RNF146: variants seen among roughly 807,000 people sequenced by gnomAD.
The protein encoded by RNF146 is E3 ubiquitin-protein ligase RNF146.
Under a neutral mutation model 29.7 loss-of-function variants are expected in RNF146, and 11 were observed. The ratio of observed to expected loss-of-function variants is 0.37; its 90% CI spans 0.23 to 0.61. The LOEUF (loss-of-function observed/expected upper bound fraction) is 0.61. RNF146 is among the 20% of genes least tolerant of loss of function. The probability of loss-of-function intolerance (pLI) is 0.66; values close to 1 mark genes in which losing one functional copy is unlikely to be tolerated. For missense variants in RNF146, 342 were observed against 438.9 expected (o/e 0.78, Z 1.97); for synonymous variants, 150 against 159.7 (o/e 0.94, Z 0.46).
At chr6:127,272,737 A>T (rs1283095250) in intron 1 of RNF146, among the ~76,000 whole-genome samples, 1 of 152,178 alleles carries the variant, frequency 6.6e-6, no homozygotes, top group Non-Finnish European at 1.5e-5. Flanking sequence ...AGTACAATTG[A>T]CCCTTGAGCA....
Position 127,287,731 on chromosome 6 carries a change from G to A in RNF146, c.*38G>A, listed in dbSNP as rs772398151. ...TCAGCTCCATGCTCAAGGTTGAAAGGGTTACCTGTAAATTTCTGCCCACAT... is the reference window on the plus strand; with the variant it reads ...TCAGCTCCATGCTCAAGGTTGAAAGAGTTACCTGTAAATTTCTGCCCACAT... On this transcript the variant is annotated 3_prime_UTR_variant, in exon 3 of 3. Transcript: ENST00000368314. 1.5e-6 allele frequency: 2 copies of A among 1,311,634 alleles called. No homozygotes were observed. The highest frequency in any genetic ancestry group is 4.6e-5 in the East Asian group (2 of 43,076). 81.2% of individuals were successfully genotyped at this position (1,311,634 alleles called of 1,614,324 possible). A position where few individuals can be genotyped will look rare whatever the true frequency, so the allele number is the denominator to read the frequency against.
Position 127,286,308 on chromosome 6 carries a change from G to A in RNF146, c.3-308G>A, listed in dbSNP as rs1418116626. The A allele has an allele frequency of 5.6e-6, 4 of 715,404 alleles. No homozygotes were observed. The highest frequency in any genetic ancestry group is 7.9e-6 in the Non-Finnish European group (4 of 503,392). 44.3% of individuals were successfully genotyped at this position (715,404 alleles called of 1,614,324 possible). On this transcript the variant is annotated intron_variant, in intron 2 of 2. Coordinates refer to ENST00000368314, the MANE Select transcript of RNF146 (RefSeq NM_001242850.2). This position sits in a 1 kb window ranked among gnomAD's most constrained non-coding sequence, Gnocchi z 4.6. ...CTGTATAATAGCTGCCATGATTCAA[G>A]GTATCCTTTTCCCCTCACTGGATGC...
chr6:127,281,686 G>A (rs999196756), intron 2 of RNF146, among the ~76,000 whole-genome samples: 1 of 151,644 alleles, frequency 6.6e-6, no homozygotes, highest in African/African-American at 2.4e-5. Context: ...AATAAGTGCA[G>A]GGAGTGAACA....
intron 2 of RNF146, chr6:127,280,764 A>AT (rs1269009066): frequency 6.3e-6 from 1 of 159,608 alleles, no homozygotes; most frequent in African/African-American, 2.4e-5. Context: ...TACATAATTG[A>AT]TTTTTTTAAT....
At chr6:127,280,061 A>C (rs547086459) in intron 1 of RNF146, among the ~76,000 whole-genome samples, 170 bp from the exon 2 acceptor site, 4 of 151,776 alleles carry the variant, frequency 2.6e-5, no homozygotes, top group African/African-American at 7.2e-5. Flanking sequence ...TCTTTTCCCT[A>C]ATTTGCTCTG....
chr6:127,266,766 G>A (rs933580326), upstream of RNF146: 7 of 152,084 alleles, frequency 4.6e-5, no homozygotes, highest in Non-Finnish European at 8.8e-5. Flanking sequence ...TGAGGCGCCG[G>A]AGTTAGCTCG....
chr6:127,280,417 T>G, intron 2 of RNF146, 77 bp downstream of exon 2: 2 of 1,497,102 alleles, frequency 1.3e-6, no homozygotes. Context: ...AAATTGAGTA[T>G]CTGTCATATG....
rs1779520436 is a variant in RNF146 at position 127,286,431 on chromosome 6, G to C, written c.3-185G>C. 1 of 705,656 alleles carries C rather than the reference G, an allele frequency of 1.4e-6. No homozygotes were observed. Among genetic ancestry groups the C allele is most frequent in the African/African-American group, 1.8e-5 (1 of 55,632 alleles). 43.7% of individuals were successfully genotyped at this position (705,656 alleles called of 1,614,324 possible). ...TACATTCCCAAGGTATGTACAAGTA[G>C]ATGCTTACAAAAAATTTTCATCGGT... On this transcript the variant is annotated intron_variant, in intron 2 of 2. Transcript: ENST00000368314. This position sits in a 1 kb window ranked among gnomAD's most constrained non-coding sequence, Gnocchi z 4.6.
intron 1 of RNF146, among the ~76,000 whole-genome samples, chr6:127,268,072 C>T (rs1312639605): frequency 1.3e-5 from 2 of 151,172 alleles, no homozygotes; most frequent in Non-Finnish European, 3.0e-5. Context: ...ACTTATTTCT[C>T]AAGTTTTGAA....
In RNF146 at chr6:127,287,516, A is replaced by C. The variant is rs1779684677; in HGVS notation, c.903A>C (p.Ala301=). ...GTAGTGATAGTGAGGATGTATCTGCAGTTGTTGCACAGCACTCCTTGACCC... is the reference window on the plus strand; with the variant it reads ...GTAGTGATAGTGAGGATGTATCTGCCGTTGTTGCACAGCACTCCTTGACCC... The part of the protein sequence containing the change: ...DASSDSEDVS[A]VVAQHSLTQQ... Residue 301 remains alanine (A), a synonymous_variant, in exon 3 of 3, where the codon GCA becomes GCC. Transcript: ENST00000368314. 6.2e-7 allele frequency: 1 copy of C among 1,613,158 alleles called. No individual in the cohort carries two copies. Among genetic ancestry groups the C allele is most frequent in the Admixed American group, 1.7e-5 (1 of 59,872 alleles).
chr6:127,280,320 T>C lies in RNF146; in HGVS notation c.-19T>C. 1 of 1,547,226 alleles carries C rather than the reference T, an allele frequency of 6.5e-7. No individual in the cohort carries two copies. Among genetic ancestry groups the C allele is most frequent in the Non-Finnish European group, 8.7e-7 (1 of 1,144,644 alleles). ...ATGCTTTATTTTTGTGGCAGGCATC[T>C]GTGGGATCTGTAATAGAAATGTAAG... On this transcript the variant is annotated 5_prime_UTR_variant, in exon 2 of 3. Coordinates refer to ENST00000368314, the MANE Select transcript of RNF146 (RefSeq NM_001242850.2).
At chr6:127,278,947 T>G (rs1428928177) in intron 1 of RNF146, among the ~76,000 whole-genome samples, 1 of 152,012 alleles carries the variant, frequency 6.6e-6, no homozygotes. Context: ...TTCTTTAAGT[T>G]CTTTACTCAT....
At position 127,273,975 on chromosome 6, in the gene RNF146, A is replaced by G. The variant is rs1417166269; in HGVS notation, c.-108-6256A>G. Among the ~76,000 whole-genome samples, 4 of 152,142 alleles carry G rather than the reference A, an allele frequency of 2.6e-5. 1 individual carries two copies. Among genetic ancestry groups the G allele is most frequent in the Non-Finnish European group, 5.9e-5 (4 of 68,006 alleles). On this transcript the variant is annotated intron_variant, in intron 1 of 2. Transcript: ENST00000368314. ...AGAAAGTTTATATTGATGGAAAGTC[A>G]TTATTCATAGATACTTTGCTGTTAT...
intron 1 of RNF146, among the ~76,000 whole-genome samples, chr6:127,277,701 A>G (rs1778414251): frequency 1.3e-5 from 2 of 151,924 alleles, no homozygotes; most frequent in Non-Finnish European, 2.9e-5. Context: ...TGCCCGCTTT[A>G]TATTCACTGG....
At position 127,286,193 on chromosome 6, in the gene RNF146, C is replaced by T. The variant is rs1779487282; in HGVS notation, c.3-423C>T. The T allele has an allele frequency of 8.1e-7, 1 of 1,230,070 alleles. No homozygotes were observed. 76.2% of individuals were successfully genotyped at this position (1,230,070 alleles called of 1,614,324 possible). Reference sequence around the variant, plus strand: ...TGATTTGCAGGTAAGGAAATTTAGACTAATGGTTTAACTGAGTGCCTAAGA... The same window carrying T: ...TGATTTGCAGGTAAGGAAATTTAGATTAATGGTTTAACTGAGTGCCTAAGA... On this transcript the variant is annotated intron_variant, in intron 2 of 2. Transcript: ENST00000368314. The surrounding 1 kb of genome is among the most constrained non-coding windows in gnomAD (Gnocchi z 4.6).
chr6:127,285,728 CTGAA>C (rs1779429133), intron 2 of RNF146, among the ~76,000 whole-genome samples: 1 of 151,886 alleles, frequency 6.6e-6, no homozygotes, highest in African/African-American at 2.4e-5. Flanking sequence ...CCCAGCCCCT[CTGAA>C]TGAACACTAA....
At chr6:127,284,199 G>C (rs1485813911) in intron 2 of RNF146, among the ~76,000 whole-genome samples, 2 of 151,708 alleles carry the variant, frequency 1.3e-5, no homozygotes, top group Non-Finnish European at 3.0e-5. Context: ...GCATGGCATT[G>C]GTCCACGTGA....
intron 1 of RNF146, among the ~76,000 whole-genome samples, chr6:127,276,922 G>A (rs1778292082): frequency 6.6e-6 from 1 of 152,042 alleles, no homozygotes; most frequent in Non-Finnish European, 1.5e-5. Flanking sequence ...ATGTCTACTG[G>A]CCTAGAATTT....
chr6:127,271,433 G>A (rs1450882459), intron 1 of RNF146, among the ~76,000 whole-genome samples: 1 of 152,158 alleles, frequency 6.6e-6, no homozygotes, highest in Non-Finnish European at 1.5e-5. Flanking sequence ...AACAGAATAT[G>A]CAGTTTTCTT....
Sources: gnomAD v4.1 joint callset for allele counts (sites outside exome capture counted in the v4.1 genomes callset) on GRCh38, gnomAD v4.1.1 for gene constraint, Gnocchi (gnomAD v3.1) non-coding constraint, MANE v1.5 for transcripts, NCBI Gene and HGNC (gene_info 2026-07-23, HGNC 2026-07-21) for gene names.